Variants in BFSP2 observed in about 807,000 individuals in gnomAD.
BFSP2 encodes the protein phakinin.
In BFSP2, 38 loss-of-function variants were observed where a neutral mutation model predicts 44.9. The observed-to-expected ratio is 0.85, with a 90% CI of 0.65 to 1.11. The LOEUF is 1.11. BFSP2 is among the 50% of genes least tolerant of loss of function. The probability of loss-of-function intolerance (pLI) is 0.00; values close to 1 mark genes in which losing one functional copy is unlikely to be tolerated. For synonymous variants in BFSP2, 197 were observed against 209.9 expected, an observed-to-expected ratio of 0.94 and a Z score of 0.53; for missense variants, 525 against 533.0, an observed-to-expected ratio of 0.99 and a Z score of 0.15.
At chr3:133,441,748 G>A (rs1434048392) in intron 1 of BFSP2, among the ~76,000 whole-genome samples, 1 of 152,190 alleles carries the variant, frequency 6.6e-6, no homozygotes, top group Non-Finnish European at 1.5e-5. Flanking sequence ...TGACTTCCAG[G>A]AGGTTATATT....
At chr3:133,463,083 C>T (rs1288252062) in intron 4 of BFSP2, among the ~76,000 whole-genome samples, 2 of 152,098 alleles carry the variant, frequency 1.3e-5, no homozygotes, top group Non-Finnish European at 2.9e-5. Context: ...CTGAAGCCGG[C>T]GGATCAACTG....
At chr3:133,407,144 G>A (rs2073411404) in intron 1 of BFSP2, among the ~76,000 whole-genome samples, 1 of 152,192 alleles carries the variant, frequency 6.6e-6, no homozygotes, top group African/African-American at 2.4e-5. Context: ...GTATTCAAGA[G>A]GGTGAAGCAG....
chr3:133,446,989 A>T (rs1463879748), intron 1 of BFSP2, among the ~76,000 whole-genome samples: 1 of 152,010 alleles, frequency 6.6e-6, no homozygotes, highest in Non-Finnish European at 1.5e-5. Flanking sequence ...GTGAAACTTC[A>T]TCTAAGGAGC....
At chr3:133,439,832 TAAAACATGAGTTC>T (rs1015565663) in intron 1 of BFSP2, among the ~76,000 whole-genome samples, 4 of 152,036 alleles carry the variant, frequency 2.6e-5, no homozygotes, top group African/African-American at 9.7e-5. Context: ...CAGCTTCAAA[TAAAACATGAGTTC>T]AAAACATGAG....
chr3:133,427,224 T>C (rs542396757), intron 1 of BFSP2, among the ~76,000 whole-genome samples: 5 of 152,336 alleles, frequency 3.3e-5, no homozygotes, highest in African/African-American at 1.2e-4. Flanking sequence ...TTTTGTGCAA[T>C]TGCAATGTTC....
chr3:133,463,843 G>T (rs1412409315), intron 4 of BFSP2, among the ~76,000 whole-genome samples: 1 of 152,112 alleles, frequency 6.6e-6, no homozygotes, highest in East Asian at 1.9e-4. Context: ...TTGGTTGTGG[G>T]GGTGCCTCTC....
chr3:133,416,040 T>C (rs2073524131), intron 1 of BFSP2, among the ~76,000 whole-genome samples: 2 of 111,938 alleles, frequency 1.8e-5, no homozygotes, highest in African/African-American at 3.6e-5. Context: ...ACCCCTGTCC[T>C]CTCCTCTCTA....
intron 4 of BFSP2, 45 bp from the exon 5 acceptor site, chr3:133,466,783 G>A: frequency 1.3e-6 from 2 of 1,594,188 alleles, no homozygotes; most frequent in South Asian, 1.1e-5. Context: ...GATGGGCTCA[G>A]ATTTCTGATC....
intron 1 of BFSP2, among the ~76,000 whole-genome samples, chr3:133,414,437 C>A (rs2107884521): frequency 9.5e-6 from 1 of 105,408 alleles, no homozygotes; most frequent in Non-Finnish European, 1.9e-5. Context: ...CTATACTCAC[C>A]CCTGCCCTCT....
At chr3:133,422,094 A>G (rs2073598005) in intron 1 of BFSP2, among the ~76,000 whole-genome samples, 1 of 118,234 alleles carries the variant, frequency 8.5e-6, no homozygotes, top group African/African-American at 3.8e-5. Context: ...CAACAAAGCG[A>G]GACTCCATCT....
intron 1 of BFSP2, among the ~76,000 whole-genome samples, chr3:133,418,046 A>ATCCTCTCCCCTCTACTCACCCCTG (rs2073560489): frequency 1.7e-5 from 1 of 57,830 alleles, no homozygotes; most frequent in Non-Finnish European, 3.5e-5. Context: ...ACTCATCCCT[A>ATCCTCTCCCCTCTACTCACCCCTG]TCCTCTCCCC....
intron 1 of BFSP2, among the ~76,000 whole-genome samples, chr3:133,436,657 C>T (rs193059132): frequency 8.5e-5 from 13 of 152,262 alleles, no homozygotes; most frequent in Admixed American, 3.9e-4. Context: ...GCACAACGTG[C>T]AGGTTTGTTA....
intron 4 of BFSP2, among the ~76,000 whole-genome samples, chr3:133,454,238 T>G (rs1387639340): frequency 6.6e-6 from 1 of 152,184 alleles, no homozygotes; most frequent in Non-Finnish European, 1.5e-5. Flanking sequence ...GAGGATTGCT[T>G]GAGGCCAAGA....
At chr3:133,458,487 A>C (rs368135937) in intron 4 of BFSP2, among the ~76,000 whole-genome samples, 2 of 152,212 alleles carry the variant, frequency 1.3e-5, no homozygotes, top group East Asian at 1.9e-4. Context: ...TGAGGTCAGG[A>C]GTTCAAGACC....
chr3:133,436,999 C>T (rs1161082656), intron 1 of BFSP2, among the ~76,000 whole-genome samples: 2 of 152,180 alleles, frequency 1.3e-5, no homozygotes, highest in Non-Finnish European at 2.9e-5. Context: ...TTAATCCAGT[C>T]TATCATTGTT....
At chr3:133,471,452 C>T (rs2074160869) in intron 5 of BFSP2, among the ~76,000 whole-genome samples, 1 of 152,174 alleles carries the variant, frequency 6.6e-6, no homozygotes, top group East Asian at 1.9e-4. Flanking sequence ...ATGGGTTCAC[C>T]CGTTGAAGCA....
Position 133,466,890 on chromosome 3 carries a change from GGTGGAGTTACA to G in BFSP2, c.955_965del (p.Val319GlnfsTer12). ...AGGAGAAGCTGGCAGCTGCCCTCAG[GGTGGAGTTACA>G]CAACACTTCGTGCCAAGTCCAGAGC... On this transcript the variant is annotated frameshift_variant, in exon 5 of 7. Transcript: ENST00000302334. LOFTEE classifies it high-confidence loss of function. 3.7e-6 allele frequency: 6 copies of G among 1,613,946 alleles called. No individual in the cohort carries two copies. Among genetic ancestry groups the G allele is most frequent in the Non-Finnish European group, 5.1e-6 (6 of 1,179,968 alleles).
chr3:133,410,041 A>C (rs1199684826), intron 1 of BFSP2: 1 of 191,522 alleles, frequency 5.2e-6, no homozygotes, highest in Non-Finnish European at 1.2e-5. Context: ...TTGCCTTCCC[A>C]CCTAGCTCTC....
rs760489012 is a variant in BFSP2, at chr3:133,447,377, G to A, written c.550G>A (p.Gly184Arg). The A allele has an allele frequency of 2.6e-5, 42 of 1,613,832 alleles. No individual in the cohort carries two copies. The highest frequency in any genetic ancestry group is 1.6e-4 in the Middle Eastern group (1 of 6,068). Residue 184 changes from glycine (G) to arginine (R), a missense_variant, in exon 2 of 7, where the codon GGA (glycine) becomes AGA (arginine). Gly to Arg is a moderately radical substitution (Grantham distance 125, BLOSUM62 -2). Transcript: ENST00000302334. ...GCTGCAGACAGAAACTATCCAGGCC[G>A]GAGCAGATGACTTTAAAGAGAGGTA... ...LMLQTETIQAGADDFKERYEN... is the reference protein window; with the variant it reads ...LMLQTETIQARADDFKERYEN...
Sources: gnomAD v4.1 joint callset for allele counts (sites outside exome capture counted in the v4.1 genomes callset) on GRCh38, gnomAD v4.1.1 for gene constraint, MANE v1.5 for transcripts, NCBI Gene and HGNC (gene_info 2026-07-23, HGNC 2026-07-21) for gene names.